Variants in FHOD3 observed in about 807,000 individuals in gnomAD.
The protein encoded by FHOD3 is formin homology 2 domain containing 3.
Under a neutral mutation model 173.0 loss-of-function variants are expected in FHOD3, and 90 were observed. The observed-to-expected ratio is 0.52, with a 90% CI of 0.44 to 0.62. The LOEUF is 0.62. FHOD3 is among the 20% of genes least tolerant of loss of function. The probability of loss-of-function intolerance (pLI) is 0.00; values close to 1 mark genes in which losing one functional copy is unlikely to be tolerated. For missense variants in FHOD3, 1,945 were observed against 2,034.7 expected (o/e 0.96, Z 0.85); for synonymous variants, 828 against 823.0 (o/e 1.01, Z -0.10).
intron 18 of FHOD3, among the ~76,000 whole-genome samples, chr18:36,717,154 GA>G (rs2040504267): frequency 6.6e-6 from 1 of 152,074 alleles, no homozygotes; most frequent in Non-Finnish European, 1.5e-5. Flanking sequence ...GGAGGCTCTG[GA>G]AGATGCCTTC....
At chr18:36,704,156 C>A (rs2039740372) in intron 17 of FHOD3, among the ~76,000 whole-genome samples, 2 of 152,194 alleles carry the variant, frequency 1.3e-5, no homozygotes, top group South Asian at 4.1e-4. Context: ...TGATTTTCTT[C>A]TTTGGCCCTT....
intron 6 of FHOD3, among the ~76,000 whole-genome samples, chr18:36,591,291 C>G (rs1161856990): frequency 6.6e-6 from 1 of 152,216 alleles, no homozygotes; most frequent in Non-Finnish European, 1.5e-5. Flanking sequence ...AAGTACTCAG[C>G]TCCCTGTGTG....
chr18:36,310,785 G>A (rs887577439), intron 1 of FHOD3, among the ~76,000 whole-genome samples: 2 of 152,040 alleles, frequency 1.3e-5, no homozygotes, highest in Non-Finnish European at 2.9e-5. Context: ...GAAGGAGGGT[G>A]GGGTTTCAGT....
intron 5 of FHOD3, among the ~76,000 whole-genome samples, chr18:36,552,020 C>T (rs2057677726): frequency 6.6e-6 from 1 of 152,136 alleles, no homozygotes; most frequent in Admixed American, 6.5e-5. Context: ...GTAGTTTTTC[C>T]CAATTCTGTG....
intron 5 of FHOD3, among the ~76,000 whole-genome samples, chr18:36,532,093 A>T (rs1027250340): frequency 6.6e-6 from 1 of 152,128 alleles, no homozygotes; most frequent in Non-Finnish European, 1.5e-5. Context: ...CGTGGCTTTC[A>T]TGCAGCCATT....
intron 10 of FHOD3, among the ~76,000 whole-genome samples, chr18:36,639,456 A>G (rs2035130348): frequency 6.6e-6 from 1 of 152,126 alleles, no homozygotes; most frequent in Non-Finnish European, 1.5e-5. Flanking sequence ...GCGGATCACG[A>G]GGTCAGGAGA....
intron 4 of FHOD3, among the ~76,000 whole-genome samples, chr18:36,505,381 A>C (rs1170361168): frequency 6.6e-6 from 1 of 152,260 alleles, no homozygotes; most frequent in Non-Finnish European, 1.5e-5. Flanking sequence ...ACAGAAGGAT[A>C]AACTGTCGAA....
At chr18:36,410,101 C>T (rs890811689) in intron 3 of FHOD3, among the ~76,000 whole-genome samples, 2 of 152,134 alleles carry the variant, frequency 1.3e-5, no homozygotes, top group African/African-American at 4.8e-5. Context: ...ACCATCACTA[C>T]AATTTTAGGA....
chr18:36,543,806 G>C (rs79377341), intron 5 of FHOD3, among the ~76,000 whole-genome samples: 6,476 of 152,268 alleles, frequency 0.043, 200 homozygotes, highest in Middle Eastern at 0.099. Context: ...GCCAGTGCTG[G>C]TGCTGAGTGT....
intron 3 of FHOD3, among the ~76,000 whole-genome samples, chr18:36,373,023 C>T (rs2047268191): frequency 6.6e-6 from 1 of 151,948 alleles, no homozygotes; most frequent in South Asian, 2.1e-4. Flanking sequence ...GGGACTGTGC[C>T]ATTGTGAGCC....
At chr18:36,607,608 C>T (rs1295280135) in intron 8 of FHOD3, among the ~76,000 whole-genome samples, 1 of 152,208 alleles carries the variant, frequency 6.6e-6, no homozygotes, top group Non-Finnish European at 1.5e-5. Flanking sequence ...CATGGCCAAG[C>T]TGTGACTTTT....
In FHOD3 at chr18:36,690,559, C is replaced by G. The variant is rs1301903038; in HGVS notation, c.2022-2650C>G. 2.0e-5 allele frequency among the ~76,000 whole-genome samples: 3 copies of G among 152,192 alleles called. No homozygotes were observed. The East Asian group carries it at 5.8e-4, about 30-fold the overall frequency. Reference sequence around the variant, plus strand: ...TCCTCCCCAAGAACTGCTGGAGGTTCTTCTGGGGCAGGAGGGGTCGCTAAG... The same window carrying G: ...TCCTCCCCAAGAACTGCTGGAGGTTGTTCTGGGGCAGGAGGGGTCGCTAAG... On this transcript the variant is annotated intron_variant, in intron 16 of 28. Transcript: ENST00000590592.
At chr18:36,438,774 C>T (rs564146907) in intron 3 of FHOD3, among the ~76,000 whole-genome samples, 1 of 152,332 alleles carries the variant, frequency 6.6e-6, no homozygotes, top group East Asian at 1.9e-4. Flanking sequence ...CACTGCTCTT[C>T]ATCCTGTCTT....
At chr18:36,427,597 A>T (rs2050318609) in intron 3 of FHOD3, among the ~76,000 whole-genome samples, 1 of 152,224 alleles carries the variant, frequency 6.6e-6, no homozygotes, top group African/African-American at 2.4e-5. Flanking sequence ...GATCTTTATC[A>T]GTTTCACTCT....
At position 36,372,161 on chromosome 18, in the gene FHOD3, G is replaced by A. The variant is rs555905387; in HGVS notation, c.273-519G>A. On this transcript the variant is annotated intron_variant, in intron 2 of 28. Coordinates refer to ENST00000590592, the MANE Select transcript of FHOD3 (RefSeq NM_001281740.3). ...GTTTCTGATAATAAGTAGTCTGTAA[G>A]CCTTCTTTTGTAGATTCCCATTTTC... Among the ~76,000 whole-genome samples, 422 of 152,300 alleles carry A rather than the reference G, an allele frequency of 2.8e-3. 2 individuals carry two copies. Among genetic ancestry groups the A allele is most frequent in the African/African-American group, 9.5e-3 (396 of 41,556 alleles).
intron 9 of FHOD3, among the ~76,000 whole-genome samples, chr18:36,620,147 G>A (rs1488340028): frequency 1.3e-5 from 2 of 152,108 alleles, no homozygotes; most frequent in African/African-American, 4.8e-5. Flanking sequence ...TCCTTCCATT[G>A]GTACAAGGGC....
chr18:36,358,717 C>T (rs972197139), intron 2 of FHOD3, among the ~76,000 whole-genome samples: 1 of 151,856 alleles, frequency 6.6e-6, no homozygotes, highest in African/African-American at 2.4e-5. Context: ...TCTTTGTCAC[C>T]CAGGCTGGAG....
intron 1 of FHOD3, among the ~76,000 whole-genome samples, chr18:36,338,624 G>A (rs556392143): frequency 2.0e-5 from 3 of 152,232 alleles, no homozygotes; most frequent in African/African-American, 7.2e-5. Context: ...CTTAAGGGCT[G>A]TTTTCTGGGG....
rs372625935 is a variant in FHOD3 at position 36,330,680 on chromosome 18, C to G, written c.166-24859C>G. Among the ~76,000 whole-genome samples, 259 of 152,298 alleles carry G rather than the reference C, an allele frequency of 1.7e-3. 2 individuals carry two copies. Among genetic ancestry groups the G allele is most frequent in the African/African-American group, 6.0e-3 (249 of 41,568 alleles). Reference sequence around the variant, plus strand: ...CTGCCACCAGAGGTAGGCAGGGTGACTTGGCTTCATGCAGGGAGGCCAAGA... The same window carrying G: ...CTGCCACCAGAGGTAGGCAGGGTGAGTTGGCTTCATGCAGGGAGGCCAAGA... On this transcript the variant is annotated intron_variant, in intron 1 of 28. Coordinates refer to ENST00000590592, the MANE Select transcript of FHOD3 (RefSeq NM_001281740.3).
Sources: allele counts gnomAD v4.1 joint callset (sites outside exome capture counted in the v4.1 genomes callset), GRCh38; gene constraint gnomAD v4.1.1; transcripts MANE v1.5; gene names NCBI Gene and HGNC (gene_info 2026-07-23, HGNC 2026-07-21).